The following ZNF469 variants were observed in gnomAD, a reference collection of about 807,000 sequenced individuals.
ZNF469 encodes the protein zinc finger protein 469.
A neutral mutation model predicts 1.0 loss-of-function variants in ZNF469; 1 was observed. The observed-to-expected ratio is 1.00, with a 90% CI of 0.35 to 4.73. ZNF469 has a LOEUF of 4.73. Among genes scored for constraint, ZNF469 ranks in the 30% most tolerant of loss-of-function variants. The pLI is 0.16. For synonymous variants in ZNF469, 2,703 were observed against 2,363.4 expected, an observed-to-expected ratio of 1.14 and a Z score of -4.17; for missense variants, 6,100 against 5,356.3, an observed-to-expected ratio of 1.14 and a Z score of -4.33.
At chr16:88,240,961 C>T in the ZNF469 span, among the ~76,000 whole-genome samples, 5 of 152,116 alleles carry the variant, frequency 3.3e-5, no homozygotes, top group Non-Finnish European at 5.9e-5. Flanking sequence ...TGGGCGGAAA[C>T]CCCATCTTCC....
the ZNF469 span, among the ~76,000 whole-genome samples, chr16:88,253,373 T>C: frequency 2.5e-4 from 38 of 152,260 alleles, no homozygotes; most frequent in East Asian, 1.3e-3. Flanking sequence ...TCTTGTTTTT[T>C]CCTTTTAGCT....
the ZNF469 span, among the ~76,000 whole-genome samples, chr16:88,199,880 G>A: frequency 3.0e-4 from 46 of 152,302 alleles, no homozygotes; most frequent in Non-Finnish European, 5.7e-4. Context: ...CTGAGTCCTC[G>A]GCTGTCTTGG....
At chr16:88,320,023 C>G in the ZNF469 span, among the ~76,000 whole-genome samples, 1 of 152,220 alleles carries the variant, frequency 6.6e-6, no homozygotes, top group Non-Finnish European at 1.5e-5. Context: ...TAACAGGCAC[C>G]CCCCAAATGT....
chr16:88,219,538 A>G, the ZNF469 span, among the ~76,000 whole-genome samples: 1 of 147,012 alleles, frequency 6.8e-6, no homozygotes, highest in South Asian at 2.3e-4. Flanking sequence ...CTATTTAATA[A>G]ATGGTGCTGG....
the ZNF469 span, among the ~76,000 whole-genome samples, chr16:88,364,344 G>C: frequency 6.6e-6 from 1 of 152,092 alleles, no homozygotes; most frequent in East Asian, 1.9e-4. Flanking sequence ...CAATATCACT[G>C]TTTTCATTAC....
chr16:88,395,237 AGATGGATGGATG>A (rs750119902), intron 1 of ZNF469, among the ~76,000 whole-genome samples: 10 of 35,946 alleles, frequency 2.8e-4, no homozygotes, highest in Middle Eastern at 0.012. Context: ...GTGGATGGGT[AGATGGATGGATG>A]GATGGATGGA....
the ZNF469 span, among the ~76,000 whole-genome samples, chr16:88,103,700 G>A: frequency 1.3e-5 from 2 of 151,950 alleles, no homozygotes; most frequent in Non-Finnish European, 1.5e-5. Flanking sequence ...GTGGCACGAG[G>A]AAGCGCTGGA....
At chr16:88,318,292 A>AT in the ZNF469 span, among the ~76,000 whole-genome samples, 1 of 152,098 alleles carries the variant, frequency 6.6e-6, no homozygotes, top group East Asian at 1.9e-4. Flanking sequence ...GGTCTGTTAC[A>AT]TTCGGCAGGG....
At chr16:88,406,742 T>C (rs1905038409) in intron 1 of ZNF469, among the ~76,000 whole-genome samples, 10 of 152,182 alleles carry the variant, frequency 6.6e-5, no homozygotes. Context: ...TGTGTGCGCC[T>C]GGGCATAGAG....
At chr16:88,373,548 C>T in the ZNF469 span, among the ~76,000 whole-genome samples, 346 of 152,312 alleles carry the variant, frequency 2.3e-3, 2 homozygotes, top group African/African-American at 7.8e-3. Context: ...TCAGTTTCTT[C>T]ATCTGTAAAG....
At chr16:88,349,869 C>T in the ZNF469 span, among the ~76,000 whole-genome samples, 1 of 151,016 alleles carries the variant, frequency 6.6e-6, no homozygotes, top group African/African-American at 2.4e-5. Flanking sequence ...ACACACCATG[C>T]ACAATACACA....
the ZNF469 span, among the ~76,000 whole-genome samples, chr16:88,157,206 C>T: frequency 7.3e-5 from 11 of 151,718 alleles, no homozygotes; most frequent in East Asian, 5.9e-4. Flanking sequence ...GGGCTGAAGC[C>T]GACACCCCCA....
the ZNF469 span, among the ~76,000 whole-genome samples, chr16:88,303,320 G>A: frequency 2.0e-5 from 3 of 152,326 alleles, no homozygotes; most frequent in African/African-American, 7.2e-5. Flanking sequence ...AAGTTCTCCT[G>A]GGCCCCGTTG....
At chr16:88,179,465 C>T in the ZNF469 span, among the ~76,000 whole-genome samples, 3 of 152,208 alleles carry the variant, frequency 2.0e-5, no homozygotes, top group African/African-American at 4.8e-5. Context: ...TGTTGCCAGG[C>T]TTCTTGTACA....
At chr16:88,332,975 G>A in the ZNF469 span, among the ~76,000 whole-genome samples, 2 of 152,182 alleles carry the variant, frequency 1.3e-5, no homozygotes, top group African/African-American at 2.4e-5. Context: ...CAGGAGCCAC[G>A]TCCCTGCCCA....
At position 88,434,917 on chromosome 16, in the gene ZNF469, T is replaced by G; in HGVS notation, c.7447T>G (p.Ser2483Ala). 6.5e-7 allele frequency: 1 copy of G among 1,549,980 alleles called. No individual in the cohort carries two copies. Residue 2483 changes from serine (S) to alanine (A), a missense_variant, in exon 3 of 3, where the codon TCC becomes GCC. Coordinates refer to ENST00000565624, the MANE Select transcript of ZNF469 (RefSeq NM_001367624.2). ...TCEVCAASFR[S>A]GPGLSRHKAR... is the part of the protein sequence containing the mutation. ...TGAGGTCTGCGCAGCCTCCTTCCGC[T>G]CCGGGCCGGGCCTGAGCCGGCACAA...
At chr16:88,268,792 A>G in the ZNF469 span, among the ~76,000 whole-genome samples, 1 of 152,286 alleles carries the variant, frequency 6.6e-6, no homozygotes, top group East Asian at 1.9e-4. Flanking sequence ...GGTGCCCCAG[A>G]CACTCGCTTG....
the ZNF469 span, among the ~76,000 whole-genome samples, chr16:88,356,662 G>T: frequency 6.6e-6 from 1 of 152,030 alleles, no homozygotes; most frequent in Non-Finnish European, 1.5e-5. Flanking sequence ...CAGTGGAGAG[G>T]CCAGATACAT....
the ZNF469 span, among the ~76,000 whole-genome samples, chr16:88,369,834 C>T: frequency 2.6e-5 from 4 of 152,316 alleles, no homozygotes; most frequent in East Asian, 3.9e-4. Flanking sequence ...CCCCAGCTTC[C>T]GGGGACAGTG....
Sources: gnomAD v4.1 joint callset for allele counts (sites outside exome capture counted in the v4.1 genomes callset) on GRCh38, gnomAD v4.1.1 for gene constraint, MANE v1.5 for transcripts, NCBI Gene and HGNC (gene_info 2026-07-23, HGNC 2026-07-21) for gene names.